BBS9: variants seen among roughly 807,000 people sequenced by gnomAD.
BBS9 encodes protein PTHB1.
BBS9 carries 89 observed loss-of-function variants against 117.7 expected under a neutral mutation model. The observed-to-expected ratio is 0.76, with a 90% CI of 0.64 to 0.90. The LOEUF (loss-of-function observed/expected upper bound fraction) is 0.90. Among genes scored for constraint, BBS9 ranks in the 40% least tolerant of loss-of-function variants. The probability of loss-of-function intolerance (pLI) is 0.00; values close to 1 mark genes in which losing one functional copy is unlikely to be tolerated. For synonymous variants in BBS9, 379 were observed against 370.9 expected (o/e 1.02, Z -0.25); for missense variants, 982 against 1,042.2 (o/e 0.94, Z 0.80).
intron 15 of BBS9, among the ~76,000 whole-genome samples, chr7:33,354,810 C>T (rs1353064037): frequency 1.3e-5 from 2 of 151,952 alleles, no homozygotes; most frequent in Non-Finnish European, 2.9e-5. Context: ...AGAATATTCT[C>T]TCTGAGTGTT....
intron 21 of BBS9, among the ~76,000 whole-genome samples, chr7:33,611,506 A>G (rs1864858603): frequency 7.0e-6 from 1 of 141,922 alleles, no homozygotes; most frequent in South Asian, 2.1e-4. Context: ...TATATAAGGT[A>G]TATTATATAT....
chr7:33,458,124 C>CT (rs1390751804), intron 19 of BBS9, among the ~76,000 whole-genome samples: 1 of 152,074 alleles, frequency 6.6e-6, no homozygotes, highest in Admixed American at 6.6e-5. Context: ...ACTCTGTGCA[C>CT]TTTTTTGTTT....
chr7:33,191,997 C>G (rs1258503265), intron 5 of BBS9, among the ~76,000 whole-genome samples: 1 of 150,836 alleles, frequency 6.6e-6, no homozygotes, highest in African/African-American at 2.4e-5. Context: ...AACGCAACCA[C>G]TGAAAACATA....
chr7:33,163,709 ATTCTTCTCTGTT>A (rs1795225462), intron 4 of BBS9, among the ~76,000 whole-genome samples: 1 of 151,214 alleles, frequency 6.6e-6, no homozygotes, highest in Non-Finnish European at 1.5e-5. Context: ...CGTCTATTTG[ATTCTTCTCTGTT>A]TTCTTCTCTA....
In BBS9 at chr7:33,496,485, A is replaced by G. The variant is rs539687314; in HGVS notation, c.2116-8978A>G. Among the ~76,000 whole-genome samples the G allele has an allele frequency of 1.6e-3, 240 of 151,976 alleles. 2 individuals carry two copies. Among genetic ancestry groups the G allele is most frequent in the Middle Eastern group, 6.8e-3 (2 of 294 alleles). ...GTGACATTGCATTCCAGCCTGGGTG[A>G]CAGAGCAAGACTCCATCTCAAAAAA... is the stretch of plus-strand genomic sequence containing the variant. On this transcript the variant is annotated intron_variant, in intron 19 of 22. Transcript: ENST00000242067.
At chr7:33,359,617 G>A (rs1337135819) in intron 16 of BBS9, among the ~76,000 whole-genome samples, 2 of 151,970 alleles carry the variant, frequency 1.3e-5, no homozygotes, top group Non-Finnish European at 2.9e-5. Context: ...CATGCTGGAT[G>A]GAATCATGTG....
At chr7:33,152,138 C>CT (rs1397935768) in intron 2 of BBS9, among the ~76,000 whole-genome samples, 1 of 152,198 alleles carries the variant, frequency 6.6e-6, no homozygotes, top group Non-Finnish European at 1.5e-5. Flanking sequence ...TGCAAAGACT[C>CT]TGTTTCCAAA....
intron 5 of BBS9, among the ~76,000 whole-genome samples, chr7:33,180,547 G>A (rs1797949352): frequency 6.6e-6 from 1 of 152,010 alleles, no homozygotes. Flanking sequence ...AGTAGAGATG[G>A]GGTTTCACCA....
At chr7:33,618,939 C>T (rs932344574) in intron 21 of BBS9, among the ~76,000 whole-genome samples, 4 of 151,712 alleles carry the variant, frequency 2.6e-5, no homozygotes, top group South Asian at 2.1e-4. Context: ...AAGAAGACAG[C>T]GAGAGAGGAA....
chr7:33,265,551 ATGT>A (rs1478943989), intron 7 of BBS9, among the ~76,000 whole-genome samples: 1 of 152,160 alleles, frequency 6.6e-6, no homozygotes, highest in Non-Finnish European at 1.5e-5. Context: ...CTATTTTAAA[ATGT>A]TGTTATTAGG....
chr7:33,288,650 T>C (rs1234251380), intron 9 of BBS9, among the ~76,000 whole-genome samples: 1 of 152,182 alleles, frequency 6.6e-6, no homozygotes, highest in Non-Finnish European at 1.5e-5. Context: ...ATTTTTATAT[T>C]TGTTGATAGT....
upstream of BBS9, chr7:33,129,478 T>G (rs1469659609): frequency 1.0e-5 from 2 of 200,548 alleles, no homozygotes; most frequent in Non-Finnish European, 2.0e-5. Context: ...TCCCCGCCTT[T>G]GCGCCTCAGC....
At chr7:33,447,866 G>A (rs1385519423) in intron 19 of BBS9, among the ~76,000 whole-genome samples, 1 of 152,288 alleles carries the variant, frequency 6.6e-6, no homozygotes, top group Middle Eastern at 3.4e-3. Flanking sequence ...ATGTTGTTCA[G>A]GTTCTGTGGG....
Position 33,605,088 on chromosome 7 carries a change from T to G in BBS9, c.2633-107T>G, listed in dbSNP as rs1176320756. 2.7e-6 allele frequency: 4 copies of G among 1,468,434 alleles called. No homozygotes were observed. The Admixed American group carries it at 5.0e-5, about 18-fold the overall frequency. The allele number at this position is 1,468,434 out of a possible 1,614,324, so 91.0% of individuals were successfully genotyped here. A position where few individuals can be genotyped will look rare whatever the true frequency, so the allele number is the denominator to read the frequency against. On this transcript the variant is annotated intron_variant, in intron 22 of 22. Coordinates refer to ENST00000242067, the MANE Select transcript of BBS9 (RefSeq NM_198428.3). ...GCAAAGCTGCTTGTTTTCCAATTTC[T>G]TCATTCTTCCCCTTAGCACTGGTGC...
chr7:33,337,573 T>C (rs1365291270), intron 10 of BBS9, among the ~76,000 whole-genome samples: 2 of 152,142 alleles, frequency 1.3e-5, no homozygotes, highest in Non-Finnish European at 2.9e-5. Context: ...AAAGTTATTA[T>C]GCTTTGGTTT....
In BBS9 at chr7:33,604,947, A is replaced by C. The variant is rs371761356; in HGVS notation, c.2604A>C (p.Arg868Ser). The change falls in exon 22 of 23, where the codon AGA becomes AGC. Residue 868 changes from arginine (R) to serine (S), a missense_variant. Transcript: ENST00000242067. ...QDSTELFTNH[R>S]HLTAETPRPE... Reference sequence around the variant, plus strand: ...CTACAGAACTGTTTACCAACCACAGACATCTCACTGCAGAGACACCCAGGC... The same window carrying C: ...CTACAGAACTGTTTACCAACCACAGCCATCTCACTGCAGAGACACCCAGGC... 4 of 1,612,996 alleles carry C rather than the reference A, an allele frequency of 2.5e-6. No individual in the cohort carries two copies. Among genetic ancestry groups the C allele is most frequent in the Non-Finnish European group, 3.4e-6 (4 of 1,179,144 alleles).
At chr7:33,632,336 T>C (rs1041922586) in intron 21 of BBS9, among the ~76,000 whole-genome samples, 3 of 152,242 alleles carry the variant, frequency 2.0e-5, no homozygotes, top group African/African-American at 7.2e-5. Flanking sequence ...GGGGGATCGC[T>C]GCTTTCCACT....
At chr7:33,340,811 T>C in intron 10 of BBS9, 86 bp from the exon 11 acceptor site, 1 of 1,101,196 alleles carries the variant, frequency 9.1e-7, no homozygotes. Context: ...TTTTTTTATA[T>C]GTGGTATAGA....
At chr7:33,592,691 C>A (rs1468145024) in intron 21 of BBS9, among the ~76,000 whole-genome samples, 1 of 152,006 alleles carries the variant, frequency 6.6e-6, no homozygotes, top group Non-Finnish European at 1.5e-5. Flanking sequence ...TCCTAATCAC[C>A]ACCTAGACTC....
Sources: allele counts gnomAD v4.1 joint callset (sites outside exome capture counted in the v4.1 genomes callset), GRCh38; gene constraint gnomAD v4.1.1; transcripts MANE v1.5; gene names NCBI Gene and HGNC (gene_info 2026-07-23, HGNC 2026-07-21).